The following CDH7 variants were observed in gnomAD, a reference collection of about 807,000 sequenced individuals.
The protein encoded by CDH7 is cadherin-7.
CDH7 carries 25 observed loss-of-function variants against 71.8 expected under a neutral mutation model. The observed-to-expected ratio is 0.35, with a 90% CI of 0.25 to 0.49. The LOEUF (loss-of-function observed/expected upper bound fraction) is 0.49, where lower values mean the gene tolerates loss of function less well. CDH7 is among the 20% of genes least tolerant of loss of function. The pLI, the probability that CDH7 is intolerant of heterozygous loss-of-function variation, is 0.99. For missense variants in CDH7, 862 were observed against 974.6 expected, an observed-to-expected ratio of 0.88 and a Z score of 1.54; for synonymous variants, 381 against 363.8, an observed-to-expected ratio of 1.05 and a Z score of -0.54.
chr18:65,840,025 T>A (rs1912670717), intron 6 of CDH7, among the ~76,000 whole-genome samples: 1 of 152,202 alleles, frequency 6.6e-6, no homozygotes. Context: ...GGGTTACCTA[T>A]CAAAAATTAT....
rs1409964809 is a variant in CDH7 at position 65,862,894 on chromosome 18, T to A, written c.1841T>A (p.Leu614His). 1 of 1,614,086 alleles carries A rather than the reference T, an allele frequency of 6.2e-7. No individual in the cohort carries two copies. The highest frequency in any genetic ancestry group is 1.3e-5 in the African/African-American group (1 of 74,932). The part of the protein sequence containing the change: ...GLSTGALIAI[L>H]ACVLTLLVLI... The stretch of plus-strand genomic sequence containing the variant: ...AGTACAGGAGCCCTGATAGCCATAC[T>A]CGCCTGTGTCTTGACATTATTGGGT... The change falls in exon 11 of 12, where the codon CTC becomes CAC. Residue 614 changes from leucine to histidine, a missense_variant. Physicochemically the swap from Leu to His is moderately conservative, Grantham distance 99 (BLOSUM62 -3). Transcript: ENST00000397968.
At chr18:65,802,975 G>A (rs1911180064) in intron 2 of CDH7, 1 of 152,138 alleles carries the variant, frequency 6.6e-6, no homozygotes, top group African/African-American at 2.4e-5. Context: ...TTTTCCCTAA[G>A]GAATGCAGAT....
Position 65,792,988 on chromosome 18 carries a change from C to T in CDH7, c.211-16716C>T, listed in dbSNP as rs574295431. ...ATGTATTTTCCTTGATGCTGTACTCCGTGGAGCATCAGCTACTGGTTTATC... is the reference window on the plus strand; with the variant it reads ...ATGTATTTTCCTTGATGCTGTACTCTGTGGAGCATCAGCTACTGGTTTATC... On this transcript the variant is annotated intron_variant, in intron 2 of 11. Coordinates refer to ENST00000397968, the MANE Select transcript of CDH7 (RefSeq NM_004361.5). Among the ~76,000 whole-genome samples, 9 of 152,118 alleles carry T rather than the reference C, an allele frequency of 5.9e-5. 1 individual carries two copies. Among genetic ancestry groups the T allele is most frequent in the South Asian group, 4.2e-4 (2 of 4,808 alleles).
chr18:65,804,699 C>CGTGTGTGTGT (rs56242508), intron 2 of CDH7, among the ~76,000 whole-genome samples: 17,358 of 148,598 alleles, frequency 0.12, 1,116 homozygotes, highest in East Asian at 0.26. Flanking sequence ...CCTTAACACA[C>CGTGTGTGTGT]GTGTGTGTGT....
At chr18:65,817,802 C>A (rs1911773996) in intron 4 of CDH7, among the ~76,000 whole-genome samples, 2 of 152,046 alleles carry the variant, frequency 1.3e-5, no homozygotes, top group African/African-American at 4.8e-5. Flanking sequence ...ATATGAAATT[C>A]ATTTATAATT....
chr18:65,762,103 C>G (rs2143786273), intron 1 of CDH7, among the ~76,000 whole-genome samples: 1 of 152,258 alleles, frequency 6.6e-6, no homozygotes, highest in East Asian at 1.9e-4. Context: ...CACATCAAAA[C>G]AGCTGGTGTT....
chr18:65,797,684 T>A (rs1210362115), intron 2 of CDH7, among the ~76,000 whole-genome samples: 1 of 152,192 alleles, frequency 6.6e-6, no homozygotes, highest in African/African-American at 2.4e-5. Flanking sequence ...GCATTAGTGT[T>A]CTGAAATTGA....
intron 2 of CDH7, among the ~76,000 whole-genome samples, chr18:65,769,271 A>G (rs1197134739): frequency 1.3e-5 from 2 of 152,306 alleles, no homozygotes; most frequent in East Asian, 1.9e-4. Context: ...TTCTAAAACT[A>G]TACTGAGAGA....
In CDH7 at chr18:65,858,779, GATC is replaced by G. The variant is rs1424366390; in HGVS notation, c.1373-143_1373-141del. ...ACATATGAATGTGTGTGTGTATTTG[GATC>G]ATATTTTCGTATTTTCTATAGCTCC... On this transcript the variant is annotated intron_variant, in intron 8 of 11. Coordinates refer to ENST00000397968, the MANE Select transcript of CDH7 (RefSeq NM_004361.5). 6.4e-6 allele frequency: 4 copies of G among 629,388 alleles called. No individual in the cohort carries two copies. In the Admixed American group the frequency reaches 8.7e-5, roughly 14 times the overall value. The allele number at this position is 629,388 out of a possible 1,614,324, so 39.0% of individuals were successfully genotyped here. A position where few individuals can be genotyped will look rare whatever the true frequency, so the allele number is the denominator to read the frequency against.
intron 2 of CDH7, among the ~76,000 whole-genome samples, chr18:65,804,699 C>CGTGTGTGTGTGTGT (rs56242508): frequency 0.17 from 25,586 of 148,590 alleles, 2,391 homozygotes; most frequent in Non-Finnish European, 0.2. Context: ...CCTTAACACA[C>CGTGTGTGTGTGTGT]GTGTGTGTGT....
chr18:65,757,734 CAA>C (rs528377405), intron 1 of CDH7, among the ~76,000 whole-genome samples: 147 of 151,780 alleles, frequency 9.7e-4, no homozygotes, highest in Middle Eastern at 3.4e-3. Flanking sequence ...TTCCAGTGTC[CAA>C]AAGTTTGTAA....
At chr18:65,771,214 C>T (rs983681355) in intron 2 of CDH7, among the ~76,000 whole-genome samples, 5 of 152,010 alleles carry the variant, frequency 3.3e-5, no homozygotes, top group Non-Finnish European at 5.9e-5. Context: ...GGGAGGGTCA[C>T]GACTCAGTTC....
Position 65,808,850 on chromosome 18 carries a change from C to T in CDH7, c.211-854C>T, listed in dbSNP as rs146342246. 6.0e-3 allele frequency among the ~76,000 whole-genome samples: 917 copies of T among 152,162 alleles called. 7 individuals are homozygous for T. Among genetic ancestry groups the T allele is most frequent in the African/African-American group, 0.021 (881 of 41,516 alleles). ...AGGGGGTGAAAGATTGTTGAAATGA[C>T]GGATTGAGTAGCGCGTTTGTCAGGT... On this transcript the variant is annotated intron_variant, in intron 2 of 11. Transcript: ENST00000397968.
intron 2 of CDH7, among the ~76,000 whole-genome samples, chr18:65,795,745 A>G (rs1465356430): frequency 6.6e-6 from 1 of 152,174 alleles, no homozygotes; most frequent in Non-Finnish European, 1.5e-5. Flanking sequence ...CACACTTGAA[A>G]TGGTTTGGCT....
chr18:65,775,206 T>C (rs1057230134), intron 2 of CDH7, among the ~76,000 whole-genome samples: 10 of 152,186 alleles, frequency 6.6e-5, no homozygotes, highest in African/African-American at 2.4e-4. Flanking sequence ...ATTATGCCAG[T>C]GCATAGAGAG....
intron 6 of CDH7, among the ~76,000 whole-genome samples, chr18:65,835,478 A>G (rs1326230057): frequency 6.6e-6 from 1 of 152,174 alleles, no homozygotes; most frequent in African/African-American, 2.4e-5. Context: ...CCTATCTCAT[A>G]AAATCATTTT....
At chr18:65,840,391 G>A (rs1181620462) in intron 6 of CDH7, among the ~76,000 whole-genome samples, 1 of 135,190 alleles carries the variant, frequency 7.4e-6, no homozygotes, top group Non-Finnish European at 1.6e-5. Context: ...GATGCTAAAA[G>A]AGAAGCAGCG....
At chr18:65,858,637 C>T (rs1429924711) in intron 8 of CDH7, among the ~76,000 whole-genome samples, 1 of 151,798 alleles carries the variant, frequency 6.6e-6, no homozygotes, top group East Asian at 1.9e-4. Flanking sequence ...TCCAAATACA[C>T]ACACATATAA....
At chr18:65,865,285 G>A (rs1368228240) in intron 11 of CDH7, 2 of 152,178 alleles carry the variant, frequency 1.3e-5, no homozygotes, top group East Asian at 3.9e-4. Context: ...TACTGTATAT[G>A]AGTATACATA....
Sources: gnomAD v4.1 joint callset for allele counts (sites outside exome capture counted in the v4.1 genomes callset) on GRCh38, gnomAD v4.1.1 for gene constraint, MANE v1.5 for transcripts, NCBI Gene and HGNC (gene_info 2026-07-23, HGNC 2026-07-21) for gene names.